RNFT2: variants seen among roughly 807,000 people sequenced by gnomAD.
RNFT2 encodes ring finger protein, transmembrane 2, also known as E3 ubiquitin-protein ligase RNFT2.
A neutral mutation model predicts 53.0 loss-of-function variants in RNFT2; 36 were observed. The ratio of observed to expected loss-of-function variants is 0.68; its 90% CI spans 0.52 to 0.90. The LOEUF (loss-of-function observed/expected upper bound fraction) is 0.90, where lower values mean the gene tolerates loss of function less well. Among genes scored for constraint, RNFT2 ranks in the 40% least tolerant of loss-of-function variants. RNFT2 has a pLI of 0.00. For synonymous variants in RNFT2, 260 were observed against 253.2 expected (o/e 1.03, Z -0.26); for missense variants, 514 against 585.6 (o/e 0.88, Z 1.26).
chr12:116,828,084 G>A (rs2137192982), intron 7 of RNFT2, among the ~76,000 whole-genome samples: 1 of 152,310 alleles, frequency 6.6e-6, no homozygotes, highest in East Asian at 1.9e-4. Context: ...CCTGTCATGA[G>A]ACCAGGCAGA....
intron 7 of RNFT2, among the ~76,000 whole-genome samples, chr12:116,808,388 C>A (rs1049213733): frequency 1.3e-5 from 2 of 152,198 alleles, no homozygotes; most frequent in Non-Finnish European, 2.9e-5. Context: ...CTGCATCCAG[C>A]CTTCATGTTT....
intron 6 of RNFT2, among the ~76,000 whole-genome samples, chr12:116,778,283 G>C (rs1368149794): frequency 6.6e-6 from 1 of 152,190 alleles, no homozygotes; most frequent in Non-Finnish European, 1.5e-5. Context: ...CCTAGCAGAA[G>C]GTGTTTGGGT....
At chr12:116,825,172 C>T (rs777626161) in intron 7 of RNFT2, among the ~76,000 whole-genome samples, 6 of 152,156 alleles carry the variant, frequency 3.9e-5, no homozygotes, top group African/African-American at 1.2e-4. Flanking sequence ...TTTCATGTTT[C>T]TCCTCCAATT....
intron 7 of RNFT2, among the ~76,000 whole-genome samples, chr12:116,812,410 C>T (rs1249032009): frequency 6.6e-6 from 1 of 152,116 alleles, no homozygotes; most frequent in Non-Finnish European, 1.5e-5. Context: ...TGGGCCTGAC[C>T]AGATTACCGC....
At chr12:116,813,239 G>A (rs1030898666) in intron 7 of RNFT2, among the ~76,000 whole-genome samples, 1 of 152,202 alleles carries the variant, frequency 6.6e-6, no homozygotes, top group Non-Finnish European at 1.5e-5. Context: ...TGGGATTACA[G>A]GTGTGAGCCT....
intron 7 of RNFT2, among the ~76,000 whole-genome samples, chr12:116,794,660 A>AGGGAGGG (rs1874406722): frequency 7.7e-5 from 1 of 12,962 alleles, no homozygotes; most frequent in African/African-American, 1.3e-4. Flanking sequence ...GGAAGGAAGG[A>AGGGAGGG]AGGGAGGAAG....
intron 7 of RNFT2, among the ~76,000 whole-genome samples, chr12:116,789,668 T>TGGATGGATGGAG (rs1874130993): frequency 8.1e-6 from 1 of 123,124 alleles, no homozygotes; most frequent in African/African-American, 3.2e-5. Flanking sequence ...GATGGATGGA[T>TGGATGGATGGAG]AAATGGGAGG....
chr12:116,813,491 A>AC (rs1483626641), intron 7 of RNFT2, among the ~76,000 whole-genome samples: 1 of 151,880 alleles, frequency 6.6e-6, no homozygotes, highest in Non-Finnish European at 1.5e-5. Flanking sequence ...TATCATTTCC[A>AC]CTTGGAAGTC....
intron 5 of RNFT2, among the ~76,000 whole-genome samples, chr12:116,757,544 G>T (rs949792625): frequency 6.6e-6 from 1 of 152,066 alleles, no homozygotes; most frequent in Non-Finnish European, 1.5e-5. Flanking sequence ...TCAGTTTGAA[G>T]AATTTTTTAA....
At chr12:116,817,875 T>C (rs537323164) in intron 7 of RNFT2, among the ~76,000 whole-genome samples, 8 of 152,336 alleles carry the variant, frequency 5.3e-5, no homozygotes, top group Admixed American at 4.6e-4. Flanking sequence ...GGGGATAAGA[T>C]GATAAATGAA....
intron 10 of RNFT2, among the ~76,000 whole-genome samples, chr12:116,841,357 G>A (rs1156293776): frequency 6.6e-6 from 1 of 152,144 alleles, no homozygotes; most frequent in African/African-American, 2.4e-5. Context: ...GAATGCTGAG[G>A]TGAGAGGATT....
intron 4 of RNFT2, among the ~76,000 whole-genome samples, chr12:116,750,520 A>C (rs1872140849): frequency 1.3e-5 from 2 of 151,998 alleles, no homozygotes; most frequent in East Asian, 3.9e-4. Context: ...TCTGAGCCTC[A>C]GTTTCCTCAT....
chr12:116,766,029 T>C (rs1872897460), intron 5 of RNFT2, among the ~76,000 whole-genome samples: 1 of 152,200 alleles, frequency 6.6e-6, no homozygotes, highest in African/African-American at 2.4e-5. Flanking sequence ...TCCAGTGTTT[T>C]GGGAGCCCAA....
At chr12:116,798,968 A>G (rs550267517) in intron 7 of RNFT2, among the ~76,000 whole-genome samples, 1 of 152,258 alleles carries the variant, frequency 6.6e-6, no homozygotes, top group South Asian at 2.1e-4. Flanking sequence ...ATGAGTTCAC[A>G]GTTCTGTAGG....
At chr12:116,743,213 T>TAAAAAAAAAAAAG (rs1871706400) in intron 3 of RNFT2, among the ~76,000 whole-genome samples, 1 of 10,678 alleles carries the variant, frequency 9.4e-5, no homozygotes, top group Non-Finnish European at 1.7e-4. Context: ...AGGTAGAATC[T>TAAAAAAAAAAAAG]AAAAAAAAAA....
chr12:116,803,258 C>T (rs534759460), intron 7 of RNFT2, among the ~76,000 whole-genome samples: 60 of 152,298 alleles, frequency 3.9e-4, no homozygotes, highest in Non-Finnish European at 7.8e-4. Flanking sequence ...GCAACCGACA[C>T]CACCTGCCAC....
intron 5 of RNFT2, among the ~76,000 whole-genome samples, chr12:116,762,867 C>T (rs1278214054): frequency 6.6e-6 from 1 of 152,216 alleles, no homozygotes; most frequent in Non-Finnish European, 1.5e-5. Context: ...CCACCTCAGC[C>T]TCCCAAAGTG....
rs1450827520 is a variant in RNFT2 at position 116,830,672 on chromosome 12, A to G, written c.883-3120A>G. On this transcript the variant is annotated intron_variant, in intron 7 of 10. Coordinates refer to ENST00000257575, the MANE Select transcript of RNFT2 (RefSeq NM_001382266.1). ...GTAATTTTAGCACTTTGGGAGGCTG[A>G]AGTGAAGTAGGTGGATCACCTGTGG... is the stretch of plus-strand genomic sequence containing the variant. Among the ~76,000 whole-genome samples the G allele has an allele frequency of 2.0e-5, 3 of 152,226 alleles. No homozygotes were observed. The East Asian group carries it at 5.8e-4, about 29-fold the overall frequency.
chr12:116,781,663 T>C (rs1001487356), intron 7 of RNFT2, among the ~76,000 whole-genome samples: 2 of 152,086 alleles, frequency 1.3e-5, no homozygotes, highest in Admixed American at 1.3e-4. Flanking sequence ...CTTCCTCTTA[T>C]AAGGACCCTG....
Sources: allele counts gnomAD v4.1 joint callset (sites outside exome capture counted in the v4.1 genomes callset), GRCh38; gene constraint gnomAD v4.1.1; transcripts MANE v1.5; gene names NCBI Gene and HGNC (gene_info 2026-07-23, HGNC 2026-07-21).